HPCAL1: variants seen among roughly 807,000 people sequenced by gnomAD.
HPCAL1 encodes hippocalcin like 1.
In HPCAL1, 8 loss-of-function variants were observed where a neutral mutation model predicts 17.1. The observed-to-expected ratio is 0.47, with a 90% confidence interval of 0.27 to 0.84. HPCAL1 has a LOEUF of 0.84. Among genes scored for constraint, HPCAL1 ranks in the 40% least tolerant of loss-of-function variants. The pLI, the probability that HPCAL1 is intolerant of heterozygous loss-of-function variation, is 0.13. For missense variants in HPCAL1, 165 were observed against 271.1 expected (o/e 0.61, Z 2.75); for synonymous variants, 112 against 111.4 (o/e 1.01, Z -0.03).
chr2:10,411,154 T>C (rs184151073), intron 2 of HPCAL1, among the ~76,000 whole-genome samples: 24 of 152,256 alleles, frequency 1.6e-4, no homozygotes, highest in African/African-American at 4.3e-4. Context: ...GGGGAGGCCA[T>C]CTTGCAAAGC....
chr2:10,423,155 G>A (rs753923622), intron 4 of HPCAL1, 67 bp downstream of exon 4: 5 of 1,208,578 alleles, frequency 4.1e-6, no homozygotes, highest in Non-Finnish European at 6.1e-6. Flanking sequence ...GTGGTTTGGG[G>A]CACCCCCTCC....
At chr2:10,346,930 T>C (rs558660606) in intron 1 of HPCAL1, among the ~76,000 whole-genome samples, 16 of 148,872 alleles carry the variant, frequency 1.1e-4, no homozygotes, top group Non-Finnish European at 2.2e-4. Flanking sequence ...TTTAAACATT[T>C]GTTCCTCTTG....
At chr2:10,321,481 T>C (rs555644892) in intron 1 of HPCAL1, among the ~76,000 whole-genome samples, 1 of 152,050 alleles carries the variant, frequency 6.6e-6, no homozygotes, top group Non-Finnish European at 1.5e-5. Flanking sequence ...TTACATACCA[T>C]ATACCATGAA....
chr2:10,362,643 C>T lies in HPCAL1; in HGVS notation c.-110-34192C>T, dbSNP rs186462434. On this transcript the variant is annotated intron_variant, in intron 1 of 4. Coordinates refer to ENST00000307845, the MANE Select transcript of HPCAL1 (RefSeq NM_002149.4). The surrounding 1 kb of genome is among the most constrained non-coding windows in gnomAD (Gnocchi z 5.0). Reference sequence around the variant, plus strand: ...AGCCCCAGGCTGATTATCTGCAGACCGGGATCCCATTTCTGCTGCTTTGGG... The same window carrying T: ...AGCCCCAGGCTGATTATCTGCAGACTGGGATCCCATTTCTGCTGCTTTGGG... Among the ~76,000 whole-genome samples, 10 of 152,316 alleles carry T rather than the reference C, an allele frequency of 6.6e-5. No homozygotes were observed. Among genetic ancestry groups the T allele is most frequent in the East Asian group, 5.8e-4 (3 of 5,178 alleles).
chr2:10,395,487 G>GAGGGGAGAGGTGCAGCACCCCCATTGTGC lies in HPCAL1; in HGVS notation c.-110-1344_-110-1316dup, dbSNP rs1240858191. 3.9e-5 allele frequency among the ~76,000 whole-genome samples: 6 copies of GAGGGGAGAGGTGCAGCACCCCCATTGTGC among 152,112 alleles called. No individual in the cohort carries two copies. The highest frequency in any genetic ancestry group is 1.4e-4 in the African/African-American group (6 of 41,436). ...GGGTGGGTTGGTGGGTGGGTGGAAG[G>GAGGGGAGAGGTGCAGCACCCCCATTGTGC]AGGGGAGAGGTGCAGCACCCCCATT... On this transcript the variant is annotated intron_variant, in intron 1 of 4. Coordinates refer to ENST00000307845, the MANE Select transcript of HPCAL1 (RefSeq NM_002149.4). The surrounding 1 kb of genome is among the most constrained non-coding windows in gnomAD (Gnocchi z 4.4).
chr2:10,350,416 T>TC (rs1558478122), intron 1 of HPCAL1, among the ~76,000 whole-genome samples: 1 of 149,224 alleles, frequency 6.7e-6, no homozygotes. Context: ...GCTCAAGCAA[T>TC]CCCCCCACCT....
In HPCAL1 at chr2:10,377,949, G is replaced by A. The variant is rs1010822317; in HGVS notation, c.-110-18886G>A. Among the ~76,000 whole-genome samples the A allele has an allele frequency of 2.6e-5, 4 of 152,218 alleles. No individual in the cohort carries two copies. The highest frequency in any genetic ancestry group is 1.3e-4 in the Admixed American group (2 of 15,284). On this transcript the variant is annotated intron_variant, in intron 1 of 4. Coordinates refer to ENST00000307845, the MANE Select transcript of HPCAL1 (RefSeq NM_002149.4). The surrounding 1 kb of genome is among the most constrained non-coding windows in gnomAD (Gnocchi z 5.9). Reference sequence around the variant, plus strand: ...CGGCGAAGATGCTGGTTGAGGGCACGGGTGAGGCGGGGAGGCGTTTCGACT... The same window carrying A: ...CGGCGAAGATGCTGGTTGAGGGCACAGGTGAGGCGGGGAGGCGTTTCGACT...
At chr2:10,307,831 C>T (rs1344961844) in intron 1 of HPCAL1, among the ~76,000 whole-genome samples, 7 of 152,212 alleles carry the variant, frequency 4.6e-5, no homozygotes, top group Admixed American at 6.5e-5. Context: ...CCAGCCACAC[C>T]GGCAGCACTT....
intron 4 of HPCAL1, chr2:10,424,753 G>A: frequency 2.4e-6 from 1 of 411,322 alleles, no homozygotes; most frequent in South Asian, 1.8e-5. Flanking sequence ...AGGTGGGGCT[G>A]CAGCCAGGGG....
chr2:10,310,645 G>T lies in HPCAL1; in HGVS notation c.-111+7468G>T, dbSNP rs1223160412. Among the ~76,000 whole-genome samples, 1 of 152,134 alleles carries T rather than the reference G, an allele frequency of 6.6e-6. No individual in the cohort carries two copies. The highest frequency in any genetic ancestry group is 2.1e-4 in the South Asian group (1 of 4,834). On this transcript the variant is annotated intron_variant, in intron 1 of 4. Coordinates refer to ENST00000307845, the MANE Select transcript of HPCAL1 (RefSeq NM_002149.4). The surrounding 1 kb of genome is among the most constrained non-coding windows in gnomAD (Gnocchi z 4.5). ...TGGTGGGGGTTGCACAGAGAGAGCT[G>T]CAGGTTGTTCCTCAGGCATAACGAG...
At chr2:10,357,004 T>C (rs943511245) in intron 1 of HPCAL1, among the ~76,000 whole-genome samples, 5 of 152,270 alleles carry the variant, frequency 3.3e-5, no homozygotes, top group Admixed American at 1.3e-4. Flanking sequence ...TCCCAGCTAC[T>C]TGGGAGGCTG....
chr2:10,307,566 C>T (rs1054372717), intron 1 of HPCAL1, among the ~76,000 whole-genome samples: 2 of 152,232 alleles, frequency 1.3e-5, no homozygotes, highest in African/African-American at 4.8e-5. Context: ...ACATCTCCCT[C>T]ACTGAAGCTG....
chr2:10,422,153 C>G (rs142262714), intron 3 of HPCAL1, among the ~76,000 whole-genome samples: 31 of 152,360 alleles, frequency 2.0e-4, no homozygotes, highest in Middle Eastern at 3.4e-3. Context: ...TCCCCAAACC[C>G]TGAAAGCCTT....
chr2:10,419,756 C>T lies in HPCAL1; in HGVS notation c.-2C>T, dbSNP rs1167506007. ...CAGGTGTAGTCGCCGCCGCCAGCCGCCATGGGCAAACAGAACAGCAAGCTG... is the reference window on the plus strand; with the variant it reads ...CAGGTGTAGTCGCCGCCGCCAGCCGTCATGGGCAAACAGAACAGCAAGCTG... On this transcript the variant is annotated 5_prime_UTR_variant, in exon 3 of 5. Coordinates refer to ENST00000307845, the MANE Select transcript of HPCAL1 (RefSeq NM_002149.4). The surrounding 1 kb of genome is among the most constrained non-coding windows in gnomAD (Gnocchi z 5.0). The T allele has an allele frequency of 5.6e-6, 9 of 1,607,602 alleles. No individual in the cohort carries two copies.
chr2:10,374,014 C>A (rs948626201), intron 1 of HPCAL1, among the ~76,000 whole-genome samples: 2 of 152,198 alleles, frequency 1.3e-5, no homozygotes, highest in African/African-American at 2.4e-5. Context: ...AGTCCTCTGT[C>A]CCCTAGTCTC....
At chr2:10,399,493 CCATCACCAT>C (rs1669406505) in intron 2 of HPCAL1, among the ~76,000 whole-genome samples, 2 of 111,434 alleles carry the variant, frequency 1.8e-5, no homozygotes, top group African/African-American at 3.6e-5. Flanking sequence ...ATCACCGCCA[CCATCACCAT>C]CACCACCACC....
chr2:10,360,676 G>C (rs966987595), intron 1 of HPCAL1, among the ~76,000 whole-genome samples: 6 of 152,190 alleles, frequency 3.9e-5, no homozygotes, highest in Non-Finnish European at 8.8e-5. Context: ...GCCTCCCAAA[G>C]TGCTGGCTTG....
At chr2:10,307,512 G>A (rs10198655) in intron 1 of HPCAL1, among the ~76,000 whole-genome samples, 13,212 of 152,214 alleles carry the variant, frequency 0.087, 736 homozygotes, top group East Asian at 0.13. Flanking sequence ...CCTAACACTA[G>A]GTGTGGGCTC....
chr2:10,411,635 A>G (rs980299029), intron 2 of HPCAL1, among the ~76,000 whole-genome samples: 2 of 152,108 alleles, frequency 1.3e-5, no homozygotes, highest in African/African-American at 4.8e-5. Flanking sequence ...CAAGCCCCCC[A>G]GGGAGCTGGT....
Sources: gnomAD v4.1 joint callset for allele counts (sites outside exome capture counted in the v4.1 genomes callset) on GRCh38, gnomAD v4.1.1 for gene constraint, Gnocchi (gnomAD v3.1) non-coding constraint, MANE v1.5 for transcripts, NCBI Gene and HGNC (gene_info 2026-07-23, HGNC 2026-07-21) for gene names.